The following GRIA1 variants were observed in gnomAD, a reference collection of about 807,000 sequenced individuals.
The protein encoded by GRIA1 is glutamate ionotropic receptor AMPA type subunit 1, also known as glutamate receptor 1.
GRIA1 carries 31 observed loss-of-function variants against 99.2 expected under a neutral mutation model. That is an observed-to-expected ratio of 0.31 (90% CI 0.23 to 0.42). The LOEUF (loss-of-function observed/expected upper bound fraction) is 0.42, where lower values mean the gene tolerates loss of function less well. Among genes scored for constraint, GRIA1 ranks in the 10% least tolerant of loss-of-function variants. GRIA1 has a pLI of 1.00. For synonymous variants in GRIA1, 438 were observed against 432.4 expected, an observed-to-expected ratio of 1.01 and a Z score of -0.16; for missense variants, 782 against 1,157.5, an observed-to-expected ratio of 0.68 and a Z score of 4.71.
chr5:153,789,318 C>CATATATATATATATATATAT (rs70978507), intron 13 of GRIA1, among the ~76,000 whole-genome samples: 19 of 147,532 alleles, frequency 1.3e-4, no homozygotes, highest in African/African-American at 4.2e-4. Context: ...TTTGATATTA[C>CATATATATATATATATATAT]ATATATATAT....
chr5:153,592,920 CTT>C (rs1764094772), intron 2 of GRIA1, among the ~76,000 whole-genome samples: 1 of 152,170 alleles, frequency 6.6e-6, no homozygotes, highest in Admixed American at 6.5e-5. Flanking sequence ...AATTGAGTCT[CTT>C]TCTCTTCTTA....
rs554731191 is a variant in GRIA1 at position 153,505,537 on chromosome 5, CA to C, written c.220+11473del. 4.5e-3 allele frequency among the ~76,000 whole-genome samples: 683 copies of C among 152,322 alleles called. 7 individuals are homozygous for C. Among genetic ancestry groups the C allele is most frequent in the African/African-American group, 0.015 (622 of 41,582 alleles). On this transcript the variant is annotated intron_variant, in intron 2 of 15. Transcript: ENST00000285900. ...GAAGTGTCCCAGTCAACCCACAGCC[CA>C]CAGACTAAAGTTTGAAGCAGAGCTA...
At chr5:153,558,414 T>C (rs772555391) in intron 2 of GRIA1, among the ~76,000 whole-genome samples, 13 of 152,180 alleles carry the variant, frequency 8.5e-5, no homozygotes, top group Middle Eastern at 3.2e-3. Flanking sequence ...AACCCCAGCC[T>C]CTGGAACCAC....
chr5:153,723,581 A>G lies in GRIA1; in HGVS notation c.1823+17514A>G, dbSNP rs1760248985. On this transcript the variant is annotated intron_variant, in intron 11 of 15. Coordinates refer to ENST00000285900, the MANE Select transcript of GRIA1 (RefSeq NM_000827.4). ...CAATGGACTTAAAAAACGGCGCACC[A>G]GGAGATTATATCCCCCACCTGGCTC... is the stretch of plus-strand genomic sequence containing the variant. 2.0e-5 allele frequency among the ~76,000 whole-genome samples: 3 copies of G among 152,346 alleles called. No individual in the cohort carries two copies. The South Asian group carries it at 6.2e-4, about 32-fold the overall frequency.
At chr5:153,701,435 A>G (rs932911178) in intron 10 of GRIA1, among the ~76,000 whole-genome samples, 3 of 151,912 alleles carry the variant, frequency 2.0e-5, no homozygotes, top group Non-Finnish European at 2.9e-5. Flanking sequence ...TAACACAGTG[A>G]AACCCCATCT....
chr5:153,667,912 A>C (rs1370040257), intron 5 of GRIA1, among the ~76,000 whole-genome samples: 1 of 152,236 alleles, frequency 6.6e-6, no homozygotes, highest in Non-Finnish European at 1.5e-5. Context: ...TGAAAATTAT[A>C]ATTGGCATAT....
intron 2 of GRIA1, among the ~76,000 whole-genome samples, chr5:153,573,441 C>T (rs189718523): frequency 7.4e-4 from 112 of 152,260 alleles, no homozygotes; most frequent in Middle Eastern, 6.8e-3. Context: ...CCACAGTTTC[C>T]AATATGTAGT....
chr5:153,564,362 A>T (rs1285668692), intron 2 of GRIA1, among the ~76,000 whole-genome samples: 1 of 152,146 alleles, frequency 6.6e-6, no homozygotes, highest in African/African-American at 2.4e-5. Flanking sequence ...CATAGAGATT[A>T]AGAACCTGGT....
chr5:153,566,881 T>A (rs1259800141), intron 2 of GRIA1, among the ~76,000 whole-genome samples: 2 of 151,722 alleles, frequency 1.3e-5, no homozygotes, highest in East Asian at 3.9e-4. Flanking sequence ...CACGCCCAGC[T>A]AATTTTTGTA....
At chr5:153,594,801 C>A (rs1764286623) in intron 2 of GRIA1, among the ~76,000 whole-genome samples, 1 of 151,656 alleles carries the variant, frequency 6.6e-6, no homozygotes, top group Admixed American at 6.6e-5. Flanking sequence ...CAGAGTCCAC[C>A]CCCAGTCTTC....
chr5:153,777,109 C>T (rs1416028781), intron 13 of GRIA1, among the ~76,000 whole-genome samples: 2 of 152,154 alleles, frequency 1.3e-5, no homozygotes, highest in Non-Finnish European at 2.9e-5. Context: ...TTAAAATGCC[C>T]TTTCCTAGAC....
At chr5:153,787,908 G>A (rs534420084) in intron 13 of GRIA1, among the ~76,000 whole-genome samples, 30 of 151,968 alleles carry the variant, frequency 2.0e-4, no homozygotes, top group African/African-American at 6.3e-4. Flanking sequence ...GTGAAACCCC[G>A]TCTCTACTAA....
chr5:153,759,553 T>C (rs1488513130), intron 11 of GRIA1, among the ~76,000 whole-genome samples: 2 of 151,874 alleles, frequency 1.3e-5, no homozygotes, highest in Non-Finnish European at 2.9e-5. Context: ...GGAGATTGAA[T>C]CAGTAATAAA....
At chr5:153,726,318 A>G (rs1158001711) in intron 11 of GRIA1, among the ~76,000 whole-genome samples, 1 of 149,064 alleles carries the variant, frequency 6.7e-6, no homozygotes, top group Non-Finnish European at 1.5e-5. Context: ...CCCTAACATC[A>G]CAATTAAAAG....
chr5:153,668,519 C>T (rs1581434756), intron 5 of GRIA1, among the ~76,000 whole-genome samples: 1 of 152,180 alleles, frequency 6.6e-6, no homozygotes, highest in East Asian at 1.9e-4. Context: ...TTACTATATG[C>T]TAAATAGTAA....
At chr5:153,771,107 C>A (rs1403275649) in intron 13 of GRIA1, among the ~76,000 whole-genome samples, 1 of 152,194 alleles carries the variant, frequency 6.6e-6, no homozygotes, top group Non-Finnish European at 1.5e-5. Context: ...GACTGTCTTA[C>A]AAAAGGTAAA....
In GRIA1 at chr5:153,780,311, A is replaced by G. The variant is rs1231365698; in HGVS notation, c.2270+9896A>G. 3.3e-5 allele frequency among the ~76,000 whole-genome samples: 5 copies of G among 152,168 alleles called. 1 individual carries two copies. The highest frequency in any genetic ancestry group is 7.3e-5 in the Non-Finnish European group (5 of 68,032). On this transcript the variant is annotated intron_variant, in intron 13 of 15. Coordinates refer to ENST00000285900, the MANE Select transcript of GRIA1 (RefSeq NM_000827.4). ...AAGCAAATGTGTTTTGGTGTTCCTG[A>G]GACCTGAATTCAAATTCTGCCTCCC...
chr5:153,587,896 T>G (rs1763631918), intron 2 of GRIA1, among the ~76,000 whole-genome samples: 1 of 152,172 alleles, frequency 6.6e-6, no homozygotes, highest in Non-Finnish European at 1.5e-5. Context: ...TGATGAAAAT[T>G]ACCAAGGGGA....
intron 5 of GRIA1, among the ~76,000 whole-genome samples, chr5:153,670,687 A>C (rs1756098476): frequency 6.6e-6 from 1 of 152,064 alleles, no homozygotes; most frequent in Non-Finnish European, 1.5e-5. Flanking sequence ...TTTTTAATAA[A>C]ATGGCAAAGA....
Sources: allele counts gnomAD v4.1 joint callset (sites outside exome capture counted in the v4.1 genomes callset), GRCh38; gene constraint gnomAD v4.1.1; transcripts MANE v1.5; gene names NCBI Gene and HGNC (gene_info 2026-07-23, HGNC 2026-07-21).